INTS11: variants seen among roughly 807,000 people sequenced by gnomAD.
INTS11 encodes the protein CPSF3-like protein.
INTS11 carries 77 observed loss-of-function variants against 78.6 expected under a neutral mutation model. The ratio of observed to expected loss-of-function variants is 0.98; its 90% confidence interval spans 0.81 to 1.18. The LOEUF (loss-of-function observed/expected upper bound fraction) is 1.18, where lower values mean the gene tolerates loss of function less well. Among genes scored for constraint, INTS11 ranks in the 50% most tolerant of loss-of-function variants. The pLI, the probability that INTS11 is intolerant of heterozygous loss-of-function variation, is 0.00. For missense variants in INTS11, 875 were observed against 825.9 expected, an observed-to-expected ratio of 1.06 and a Z score of -0.73; for synonymous variants, 441 against 326.9, an observed-to-expected ratio of 1.35 and a Z score of -3.77.
chr1:1,312,213 G>GCGCCCCCCCCCCCCCCC lies in INTS11; in HGVS notation c.1607+12_1607+13insGGGGGGGGGGGGGGGCG. ...CCCAAGGGAGTGGGGGGGGGGCGGG[G>GCGCCCCCCCCCCCCCCC]CCGGGCGCCCACCTCTTGAGGTGGC... On this transcript the variant is annotated intron_variant, in intron 15 of 16. Transcript: ENST00000435064. The GCGCCCCCCCCCCCCCCC allele has an allele frequency of 1.1e-6, 1 of 934,580 alleles. No individual in the cohort carries two copies. Among genetic ancestry groups the GCGCCCCCCCCCCCCCCC allele is most frequent in the Non-Finnish European group, 1.6e-6 (1 of 636,628 alleles). The allele number at this position is 934,580 out of a possible 1,614,324, so 57.9% of individuals were successfully genotyped here. A position where few individuals can be genotyped will look rare whatever the true frequency, so the allele number is the denominator to read the frequency against.
At chr1:1,320,748 T>TAA (rs1642897376) in intron 2 of INTS11, 1 of 716,056 alleles carries the variant, frequency 1.4e-6, no homozygotes, top group Non-Finnish European at 2.5e-6. Flanking sequence ...AGCTGGAAGC[T>TAA]GAGCCCAGGG....
chr1:1,321,898 T>TAA, intron 1 of INTS11: 21 of 1,141,960 alleles, frequency 1.8e-5, no homozygotes, highest in African/African-American at 3.3e-5. Flanking sequence ...TCCCCTTGAA[T>TAA]CCCACCCACC....
intron 2 of INTS11, 134 bp from the exon 3 acceptor site, chr1:1,320,663 G>C (rs755468610): frequency 3.4e-6 from 3 of 888,750 alleles, no homozygotes; most frequent in Non-Finnish European, 5.7e-6. Flanking sequence ...CCATCCCGCA[G>C]GTGGCACCAG....
chr1:1,311,853 C>A lies in INTS11; in HGVS notation c.*6G>T. On this transcript the variant is annotated 3_prime_UTR_variant, in exon 17 of 17. Transcript: ENST00000435064. ...GCAGAGGTGGCGGCTGGGTGAGTTG[C>A]CGGCCTCAGCTGGGGGCCTGGGGGA... 1 of 1,544,176 alleles carries A rather than the reference C, an allele frequency of 6.5e-7. No homozygotes were observed. Among genetic ancestry groups the A allele is most frequent in the South Asian group, 1.2e-5 (1 of 80,608 alleles).
chr1:1,320,968 C>T (rs745464424), intron 2 of INTS11, 28 bp downstream of exon 2: 8 of 1,600,018 alleles, frequency 5.0e-6, no homozygotes, highest in Middle Eastern at 1.6e-4. Flanking sequence ...CTCTCCCAGC[C>T]TCTGGGCCTC....
chr1:1,322,068 A>G, intron 1 of INTS11: 2 of 886,152 alleles, frequency 2.3e-6, no homozygotes, highest in Non-Finnish European at 3.1e-6. Flanking sequence ...GCAGGGTCTC[A>G]GCTGTCTCCT....
chr1:1,313,788 C>CA lies in INTS11; in HGVS notation c.900dup (p.Glu301Ter). 1 of 1,613,424 alleles carries CA rather than the reference C, an allele frequency of 6.2e-7. No homozygotes were observed. The highest frequency in any genetic ancestry group is 1.1e-5 in the South Asian group (1 of 91,084). On this transcript the variant is annotated frameshift_variant, in exon 9 of 17. Coordinates refer to ENST00000435064, the MANE Select transcript of INTS11 (RefSeq NM_017871.6). LOFTEE classifies it high-confidence loss of function. ...TCGAAGGCCTTGATGTGCTTGAACT[C>CA]AAACATGTTCCTCTGCACGAAAGTC...
At position 1,312,213 on chromosome 1, in the gene INTS11, G is replaced by GGCC; in HGVS notation, c.1607+12_1607+13insGGC. On this transcript the variant is annotated intron_variant, in intron 15 of 16. Transcript: ENST00000435064. ...CCCAAGGGAGTGGGGGGGGGGCGGG[G>GGCC]CCGGGCGCCCACCTCTTGAGGTGGC... 1 of 934,616 alleles carries GGCC rather than the reference G, an allele frequency of 1.1e-6. No individual in the cohort carries two copies. The highest frequency in any genetic ancestry group is 1.6e-6 in the Non-Finnish European group (1 of 636,672). The allele number at this position is 934,616 out of a possible 1,614,324, so 57.9% of individuals were successfully genotyped here.
At position 1,321,344 on chromosome 1, in the gene INTS11, T is replaced by C. The variant is rs191739140; in HGVS notation, c.29-251A>G. On this transcript the variant is annotated intron_variant, in intron 1 of 16. Coordinates refer to ENST00000435064, the MANE Select transcript of INTS11 (RefSeq NM_017871.6). ...TCCCCCGCCAGCTTCCCCTGGCCTC[T>C]TAAGGTGGCCACGGCCTGCTGGCTA... is the stretch of plus-strand genomic sequence containing the variant. Among the ~76,000 whole-genome samples the C allele has an allele frequency of 1.4e-3, 216 of 152,330 alleles. 1 individual carries two copies. Among genetic ancestry groups the C allele is most frequent in the African/African-American group, 4.8e-3 (201 of 41,576 alleles).
intron 1 of INTS11, chr1:1,322,030 G>GC (rs1642978214): frequency 1.6e-6 from 2 of 1,236,638 alleles, no homozygotes; most frequent in Non-Finnish European, 2.1e-6. Flanking sequence ...GCCTGTTCCT[G>GC]CCCCCGCTGG....
intron 4 of INTS11, 123 bp downstream of exon 4, chr1:1,319,173 A>G: frequency 1.1e-6 from 1 of 902,978 alleles, no homozygotes. Flanking sequence ...TGGACGCAAG[A>G]GTGAGGTGGG....
In INTS11 at chr1:1,313,815, T is replaced by G; in HGVS notation, c.874A>C (p.Lys292Gln). 1 of 1,613,522 alleles carries G rather than the reference T, an allele frequency of 6.2e-7. No homozygotes were observed. The highest frequency in any genetic ancestry group is 8.5e-7 in the Non-Finnish European group (1 of 1,179,984). The change falls in exon 9 of 17, where the codon AAG becomes CAG. Residue 292 changes from lysine to glutamine, a missense_variant. Transcript: ENST00000435064. The stretch of plus-strand genomic sequence containing the variant: ...AACATGTTCCTCTGCACGAAAGTCT[T>G]GCGGATCTTCTGGTTGGTCCAGGGG... ...FIPWTNQKIR[K>Q]TFVQRNMFEF...
In INTS11 at chr1:1,314,022, C is replaced by A; in HGVS notation, c.768-101G>T. ...CCAACACCCGTGTCTGCACAGCCCA[C>A]GCACGGGCCAGGTTGAGTCCAGTCG... is the stretch of plus-strand genomic sequence containing the variant. On this transcript the variant is annotated intron_variant, in intron 8 of 16. Transcript: ENST00000435064. The surrounding 1 kb of genome is among the most constrained non-coding windows in gnomAD (Gnocchi z 4.2). 1 of 1,234,444 alleles carries A rather than the reference C, an allele frequency of 8.1e-7. No homozygotes were observed. Among genetic ancestry groups the A allele is most frequent in the South Asian group, 1.4e-5 (1 of 73,784 alleles). 76.5% of individuals were successfully genotyped at this position (1,234,444 alleles called of 1,614,324 possible). A position where few individuals can be genotyped will look rare whatever the true frequency, so the allele number is the denominator to read the frequency against.
chr1:1,314,134 C>T lies in INTS11; in HGVS notation c.767+167G>A, dbSNP rs761015676. On this transcript the variant is annotated intron_variant, in intron 8 of 16. Coordinates refer to ENST00000435064, the MANE Select transcript of INTS11 (RefSeq NM_017871.6). This position sits in a 1 kb window ranked among gnomAD's most constrained non-coding sequence, Gnocchi z 4.2. ...CAAGAGCCGCACACGGTGGCGCTGACGGGATGTCACAGGCTTCCTGGGGTC... is the reference window on the plus strand; with the variant it reads ...CAAGAGCCGCACACGGTGGCGCTGATGGGATGTCACAGGCTTCCTGGGGTC... The T allele has an allele frequency of 4.7e-5, 37 of 788,880 alleles. No homozygotes were observed. The highest frequency in any genetic ancestry group is 3.8e-4 in the East Asian group (14 of 37,244). 48.9% of individuals were successfully genotyped at this position (788,880 alleles called of 1,614,324 possible).
intron 2 of INTS11, 58 bp from the exon 3 acceptor site, chr1:1,320,587 C>T: frequency 6.4e-7 from 1 of 1,564,732 alleles, no homozygotes; most frequent in Non-Finnish European, 8.8e-7. Flanking sequence ...CATCTGGGGC[C>T]ACCCATGCCC....
chr1:1,321,843 G>T, intron 1 of INTS11: 1 of 1,195,218 alleles, frequency 8.4e-7, no homozygotes. Context: ...CACGGCCCCT[G>T]CACAGACTGT....
At position 1,319,445 on chromosome 1, in the gene INTS11, G is replaced by A. The variant is rs763038637; in HGVS notation, c.280C>T (p.His94Tyr). The A allele has an allele frequency of 3.1e-6, 5 of 1,612,618 alleles. No individual in the cohort carries two copies. The Admixed American group carries it at 5.0e-5, about 16-fold the overall frequency. The part of the protein sequence containing the change: ...VGYDGPIYMT[H>Y]PTQAICPILL... The stretch of plus-strand genomic sequence containing the variant: ...ATGGGGCAGATGGCCTGGGTGGGGT[G>A]AGTCATGTAGATGGGCCCGTCGTAG... Residue 94 changes from histidine to tyrosine, a missense_variant, in exon 4 of 17, where the codon CAC becomes TAC. Physicochemically the swap from His to Tyr is moderately conservative, Grantham distance 83 (BLOSUM62 2). Transcript: ENST00000435064.
In INTS11 at chr1:1,313,206, C is replaced by G. The variant is rs74045438; in HGVS notation, c.1042-82G>C. On this transcript the variant is annotated intron_variant, in intron 10 of 16. Coordinates refer to ENST00000435064, the MANE Select transcript of INTS11 (RefSeq NM_017871.6). ...CTTGCCCGGGATGCCCCCGCCTGAA[C>G]CCCTGGAAGCTGTTTCCACCTGCCA... is the stretch of plus-strand genomic sequence containing the variant. 2.1e-5 allele frequency: 30 copies of G among 1,456,694 alleles called. No homozygotes were observed. In the South Asian group the frequency reaches 3.6e-4, roughly 18 times the overall value. The allele number at this position is 1,456,694 out of a possible 1,614,324, so 90.2% of individuals were successfully genotyped here. A position where few individuals can be genotyped will look rare whatever the true frequency, so the allele number is the denominator to read the frequency against.
intron 4 of INTS11, among the ~76,000 whole-genome samples, chr1:1,318,071 C>G (rs1424214383): frequency 1.3e-5 from 2 of 151,988 alleles, no homozygotes; most frequent in African/African-American, 4.8e-5. Context: ...AGGGTTTCAC[C>G]GTGTTAGCCA....
Sources: allele counts gnomAD v4.1 joint callset (sites outside exome capture counted in the v4.1 genomes callset), GRCh38; gene constraint gnomAD v4.1.1; non-coding constraint Gnocchi (gnomAD v3.1); transcripts MANE v1.5; gene names NCBI Gene and HGNC (gene_info 2026-07-23, HGNC 2026-07-21).